ANKRD36: variants seen among roughly 807,000 people sequenced by gnomAD.
The protein encoded by ANKRD36 is ankyrin repeat domain-containing protein 36A.
In ANKRD36, 179 loss-of-function variants were observed where a neutral mutation model predicts 278.1. The ratio of observed to expected loss-of-function variants is 0.64; its 90% confidence interval spans 0.57 to 0.73. The LOEUF (loss-of-function observed/expected upper bound fraction) is 0.73. Among genes scored for constraint, ANKRD36 ranks in the 30% least tolerant of loss-of-function variants. ANKRD36 has a pLI of 0.00. For missense variants in ANKRD36, 1,159 were observed against 1,956.7 expected, an observed-to-expected ratio of 0.59 and a Z score of 7.69; for synonymous variants, 320 against 641.1, an observed-to-expected ratio of 0.50 and a Z score of 7.57.
At chr2:97,235,615 T>C (rs2073462275) in intron 68 of ANKRD36, among the ~76,000 whole-genome samples, 2 of 138,102 alleles carry the variant, frequency 1.4e-5, no homozygotes, top group Admixed American at 1.6e-4. Flanking sequence ...CGACCTCATG[T>C]ATACAAACAT....
intron 6 of ANKRD36, among the ~76,000 whole-genome samples, chr2:97,138,946 T>C (rs1481364949): frequency 6.6e-6 from 1 of 152,056 alleles, no homozygotes; most frequent in Admixed American, 6.6e-5. Context: ...CATTAAAGAC[T>C]TAAAAGTAAG....
intron 66 of ANKRD36, among the ~76,000 whole-genome samples, chr2:97,219,688 T>G (rs1233095437): frequency 7.2e-6 from 1 of 138,914 alleles, no homozygotes; most frequent in Non-Finnish European, 1.5e-5. Context: ...TCCATGTTGG[T>G]CAGGCTGGTC....
rs546673438 is a variant in ANKRD36 at position 97,193,044 on chromosome 2, T to A, written c.2440T>A (p.Ser814Thr). ...CAGAGAAAACAAGGATGGAGAAAAA[T>A]CTAGGACAGGTAATTTTGAAAAGAG... ...IARENKDGEK[S>T]RTVSSRKKPA... The change falls in exon 38 of 76, where the codon TCT becomes ACT. Residue 814 changes from serine to threonine, a missense_variant. By Grantham distance (58) the Ser-to-Thr change is moderately conservative. Coordinates refer to ENST00000420699, the MANE Select transcript of ANKRD36 (RefSeq NM_001354587.1). 3 of 1,555,610 alleles carry A rather than the reference T, an allele frequency of 1.9e-6. No individual in the cohort carries two copies. Among genetic ancestry groups the A allele is most frequent in the South Asian group, 1.2e-5 (1 of 84,710 alleles).
chr2:97,196,852 A>C (rs2059904000), intron 42 of ANKRD36, 64 bp downstream of exon 42: 1 of 1,537,942 alleles, frequency 6.5e-7, no homozygotes, highest in Non-Finnish European at 8.7e-7. Context: ...CTCTTCCCCA[A>C]ATAAATCAGC....
intron 6 of ANKRD36, among the ~76,000 whole-genome samples, chr2:97,131,847 G>C (rs1045982105): frequency 6.8e-6 from 1 of 147,650 alleles, no homozygotes; most frequent in Non-Finnish European, 1.5e-5. Context: ...TTTTTTTTTT[G>C]AGGCTGAGTC....
chr2:97,194,360 A>G (rs1214789466), intron 38 of ANKRD36, among the ~76,000 whole-genome samples: 6 of 151,744 alleles, frequency 4.0e-5, no homozygotes, highest in Middle Eastern at 3.4e-3. Context: ...TGAAAGACAT[A>G]TGGGATCATG....
At position 97,209,570 on chromosome 2, in the gene ANKRD36, C is replaced by A. The variant is rs187132975; in HGVS notation, c.3266-111C>A. The A allele has an allele frequency of 8.3e-6, 13 of 1,567,694 alleles. 1 individual carries two copies. Among genetic ancestry groups the A allele is most frequent in the African/African-American group, 4.4e-5 (3 of 67,462 alleles). On this transcript the variant is annotated intron_variant, in intron 54 of 75. Transcript: ENST00000420699. ...AGACACAAAGTAGAAGCCATCAAAG[C>A]CTCCACTAATACAGGCAGGAGGACA...
intron 64 of ANKRD36, 44 bp downstream of exon 64, chr2:97,217,416 G>C (rs2066235869): frequency 6.5e-7 from 1 of 1,548,672 alleles, no homozygotes; most frequent in Non-Finnish European, 8.7e-7. Context: ...ACTCAAGATA[G>C]AAGACAACAT....
At chr2:97,190,618 T>A (rs2058315972) in intron 34 of ANKRD36, among the ~76,000 whole-genome samples, 1 of 151,564 alleles carries the variant, frequency 6.6e-6, no homozygotes, top group Admixed American at 6.6e-5. Context: ...ACATGTGGGA[T>A]CATGTAGCAC....
intron 58 of ANKRD36, among the ~76,000 whole-genome samples, chr2:97,212,087 C>T (rs1413006027): frequency 2.0e-5 from 3 of 151,814 alleles, no homozygotes; most frequent in African/African-American, 2.4e-5. Context: ...ATATTAGAGG[C>T]GTCAGATTGT....
intron 40 of ANKRD36, among the ~76,000 whole-genome samples, chr2:97,195,281 C>A (rs1343636862): frequency 6.6e-6 from 1 of 151,932 alleles, no homozygotes; most frequent in African/African-American, 2.4e-5. Context: ...GTGCTAAAAA[C>A]AGACAGAAAA....
chr2:97,153,549 A>G (rs1575017581), intron 14 of ANKRD36, among the ~76,000 whole-genome samples: 1 of 150,964 alleles, frequency 6.6e-6, no homozygotes, highest in South Asian at 2.1e-4. Context: ...AAATTCAAAG[A>G]AAGAAAATTA....
chr2:97,220,946 G>T, intron 66 of ANKRD36, among the ~76,000 whole-genome samples: 1 of 83,824 alleles, frequency 1.2e-5, no homozygotes, highest in Non-Finnish European at 2.0e-5. Flanking sequence ...CCCCACCACA[G>T]TCCCCAGAGT....
chr2:97,163,024 T>C, intron 18 of ANKRD36, among the ~76,000 whole-genome samples: 1 of 152,162 alleles, frequency 6.6e-6, no homozygotes, highest in Non-Finnish European at 1.5e-5. Context: ...TCCCAGCACT[T>C]TGGGAGGCTG....
chr2:97,191,574 A>G (rs982963365), intron 36 of ANKRD36, among the ~76,000 whole-genome samples: 8 of 151,618 alleles, frequency 5.3e-5, no homozygotes, highest in Non-Finnish European at 8.8e-5. Flanking sequence ...GTAATAACCC[A>G]TAGACACTGT....
intron 53 of ANKRD36, 35 bp from the exon 54 acceptor site, chr2:97,207,899 T>C (rs1355968376): frequency 3.1e-5 from 48 of 1,538,390 alleles, no homozygotes; most frequent in Admixed American, 4.0e-5. Flanking sequence ...AAACATACTT[T>C]ATTAATTTAT....
intron 20 of ANKRD36, among the ~76,000 whole-genome samples, chr2:97,166,779 A>G (rs2050802458): frequency 6.6e-6 from 1 of 152,310 alleles, no homozygotes. Flanking sequence ...CAACAATAGG[A>G]CAGGTGCTTC....
chr2:97,165,657 G>T lies in ANKRD36; in HGVS notation c.1531+1188G>T, dbSNP rs60593062. On this transcript the variant is annotated intron_variant, in intron 20 of 75. Coordinates refer to ENST00000420699, the MANE Select transcript of ANKRD36 (RefSeq NM_001354587.1). ...TCAAATCACAGTTTAGAACCCCTTT[G>T]TTGGGCCCTATAAAGGGTTTCCAGG... is the stretch of plus-strand genomic sequence containing the variant. Among the ~76,000 whole-genome samples, 754 of 152,258 alleles carry T rather than the reference G, an allele frequency of 5.0e-3. 3 individuals are homozygous for T. The highest frequency in any genetic ancestry group is 0.017 in the African/African-American group (704 of 41,574).
intron 38 of ANKRD36, among the ~76,000 whole-genome samples, chr2:97,194,386 C>T (rs189684044): frequency 1.3e-5 from 2 of 151,720 alleles, no homozygotes; most frequent in African/African-American, 4.8e-5. Flanking sequence ...CCTGTTTTGA[C>T]ATTGATTCTC....
Sources: allele counts gnomAD v4.1 joint callset (sites outside exome capture counted in the v4.1 genomes callset), GRCh38; gene constraint gnomAD v4.1.1; transcripts MANE v1.5; gene names NCBI Gene and HGNC (gene_info 2026-07-23, HGNC 2026-07-21).